The following GRID2 variants were observed in gnomAD, a reference collection of about 807,000 sequenced individuals.
GRID2 encodes glutamate ionotropic receptor delta type subunit 2, also known as glutamate receptor ionotropic, delta-2.
Under a neutral mutation model 114.8 loss-of-function variants are expected in GRID2, and 33 were observed. The observed-to-expected ratio is 0.29, with a 90% CI of 0.22 to 0.38. The LOEUF is 0.38. Among genes scored for constraint, GRID2 ranks in the 10% least tolerant of loss-of-function variants. The pLI, the probability that GRID2 is intolerant of heterozygous loss-of-function variation, is 1.00. For synonymous variants in GRID2, 505 were observed against 449.9 expected, an observed-to-expected ratio of 1.12 and a Z score of -1.55; for missense variants, 1,184 against 1,257.7, an observed-to-expected ratio of 0.94 and a Z score of 0.89.
chr4:92,948,864 G>GGT (rs1298751664), intron 2 of GRID2, among the ~76,000 whole-genome samples: 1 of 151,768 alleles, frequency 6.6e-6, no homozygotes, highest in Non-Finnish European at 1.5e-5. Flanking sequence ...ACTTATTCTA[G>GGT]GTGTATATAT....
chr4:93,760,133 T>C (rs954196005), intron 14 of GRID2, among the ~76,000 whole-genome samples: 3 of 152,160 alleles, frequency 2.0e-5, no homozygotes, highest in Non-Finnish European at 4.4e-5. Flanking sequence ...GAGGAGGGGT[T>C]TGAAGTGATC....
rs1045552772 is a variant in GRID2 at position 92,608,510 on chromosome 4, C to T, written c.244+18224C>T. Among the ~76,000 whole-genome samples the T allele has an allele frequency of 2.0e-5, 3 of 151,720 alleles. No individual in the cohort carries two copies. In the Admixed American group the frequency reaches 2.0e-4, roughly 10 times the overall value. On this transcript the variant is annotated intron_variant, in intron 2 of 15. Transcript: ENST00000282020. The stretch of plus-strand genomic sequence containing the variant: ...TTTTCACATTAAAGAAAGAGATAAG[C>T]GCCCAAGTTTTATAATATAAAAAGT...
chr4:92,736,716 A>C (rs1452673948), intron 2 of GRID2, among the ~76,000 whole-genome samples: 1 of 152,078 alleles, frequency 6.6e-6, no homozygotes, highest in Non-Finnish European at 1.5e-5. Context: ...ATTTACTATT[A>C]ACCTAAACAC....
At chr4:93,373,798 A>T (rs747007706) in intron 8 of GRID2, among the ~76,000 whole-genome samples, 1 of 152,228 alleles carries the variant, frequency 6.6e-6, no homozygotes, top group Non-Finnish European at 1.5e-5. Context: ...ATGGTCACTG[A>T]AATCATTTTT....
chr4:93,701,512 C>T (rs141500434), intron 14 of GRID2, among the ~76,000 whole-genome samples: 1 of 152,200 alleles, frequency 6.6e-6, no homozygotes, highest in African/African-American at 2.4e-5. Flanking sequence ...GCTTAGAAAA[C>T]ACTTTTATAC....
intron 2 of GRID2, among the ~76,000 whole-genome samples, chr4:92,673,881 G>A (rs1239001513): frequency 1.3e-5 from 2 of 152,016 alleles, no homozygotes; most frequent in Admixed American, 6.6e-5. Flanking sequence ...TGTGAATGAC[G>A]AGTTAACGGG....
chr4:92,581,872 C>A (rs961957763), intron 1 of GRID2, among the ~76,000 whole-genome samples: 1 of 151,996 alleles, frequency 6.6e-6, no homozygotes, highest in South Asian at 2.1e-4. Context: ...TAAATATCTG[C>A]GTGGAATTTT....
downstream of GRID2, among the ~76,000 whole-genome samples, chr4:93,779,374 T>C (rs1457746409): frequency 6.6e-6 from 1 of 152,148 alleles, no homozygotes; most frequent in Non-Finnish European, 1.5e-5. Flanking sequence ...TCCTAACTGA[T>C]GTACCAAGGC....
chr4:92,679,990 T>G (rs1274498360), intron 2 of GRID2, among the ~76,000 whole-genome samples: 1 of 151,976 alleles, frequency 6.6e-6, no homozygotes, highest in Non-Finnish European at 1.5e-5. Context: ...GATATTTATA[T>G]AGCTCTGTGA....
intron 1 of GRID2, among the ~76,000 whole-genome samples, chr4:92,347,879 G>T (rs1263250494): frequency 6.6e-6 from 1 of 152,032 alleles, no homozygotes; most frequent in Non-Finnish European, 1.5e-5. Context: ...TTACGTAATT[G>T]TAATATTACG....
chr4:92,383,857 TAA>T (rs1348213431), intron 1 of GRID2, among the ~76,000 whole-genome samples: 2 of 150,246 alleles, frequency 1.3e-5, no homozygotes, highest in Admixed American at 6.7e-5. Context: ...AATTATACTT[TAA>T]GTCTATACAT....
chr4:92,800,455 A>G lies in GRID2; in HGVS notation c.244+210169A>G, dbSNP rs574844782. On this transcript the variant is annotated intron_variant, in intron 2 of 15. Transcript: ENST00000282020. ...TTGTAGATTGACACAACATGCTAACATAATAGAGTAAGCAAATAGGAAATA... is the reference window on the plus strand; with the variant it reads ...TTGTAGATTGACACAACATGCTAACGTAATAGAGTAAGCAAATAGGAAATA... Among the ~76,000 whole-genome samples the G allele has an allele frequency of 2.0e-5, 3 of 152,020 alleles. No individual in the cohort carries two copies. In the East Asian group the frequency reaches 5.8e-4, roughly 30 times the overall value.
chr4:92,623,855 A>G (rs1362322694), intron 2 of GRID2, among the ~76,000 whole-genome samples: 1 of 151,764 alleles, frequency 6.6e-6, no homozygotes, highest in Non-Finnish European at 1.5e-5. Flanking sequence ...ACCATATTCT[A>G]TAAGATTATA....
At chr4:93,540,044 A>G (rs2149526014) in intron 13 of GRID2, among the ~76,000 whole-genome samples, 1 of 152,090 alleles carries the variant, frequency 6.6e-6, no homozygotes, top group South Asian at 2.1e-4. Flanking sequence ...ATTTATATTT[A>G]AAGCCTTCTG....
intron 1 of GRID2, among the ~76,000 whole-genome samples, chr4:92,434,265 A>G (rs576706918): frequency 6.6e-6 from 1 of 152,074 alleles, no homozygotes; most frequent in Non-Finnish European, 1.5e-5. Context: ...GCCACACAGC[A>G]AAAGATGGTC....
At chr4:92,985,225 A>ATT (rs778500467) in intron 2 of GRID2, among the ~76,000 whole-genome samples, 50 of 141,192 alleles carry the variant, frequency 3.5e-4, no homozygotes, top group African/African-American at 8.8e-4. Flanking sequence ...AATAAGGGTA[A>ATT]TTTTTTTTTT....
At position 93,379,113 on chromosome 4, in the gene GRID2, C is replaced by A. The variant is rs566305802; in HGVS notation, c.1246-16494C>A. Among the ~76,000 whole-genome samples, 49 of 152,062 alleles carry A rather than the reference C, an allele frequency of 3.2e-4. 1 individual carries two copies. Among genetic ancestry groups the A allele is most frequent in the African/African-American group, 1.1e-3 (46 of 41,516 alleles). ...ATAGAGGATATGATTTGCCACTAAG[C>A]AAACTCTATGAAAAAGAATTGTGTT... On this transcript the variant is annotated intron_variant, in intron 8 of 15. Transcript: ENST00000282020.
chr4:93,617,152 T>C (rs1025321539), intron 13 of GRID2, among the ~76,000 whole-genome samples: 1 of 152,208 alleles, frequency 6.6e-6, no homozygotes, highest in Non-Finnish European at 1.5e-5. Flanking sequence ...ATCAGCTCTA[T>C]AGAGTAAGAG....
intron 2 of GRID2, among the ~76,000 whole-genome samples, chr4:92,946,705 G>A (rs913188437): frequency 6.6e-6 from 1 of 152,070 alleles, no homozygotes; most frequent in African/African-American, 2.4e-5. Context: ...CAGATGGACA[G>A]AAAGTCTCAC....
Sources: gnomAD v4.1 joint callset for allele counts (sites outside exome capture counted in the v4.1 genomes callset) on GRCh38, gnomAD v4.1.1 for gene constraint, MANE v1.5 for transcripts, NCBI Gene and HGNC (gene_info 2026-07-23, HGNC 2026-07-21) for gene names.